GRIA3: variants seen among roughly 807,000 people sequenced by gnomAD.
The protein encoded by GRIA3 is glutamate receptor 3.
Under a neutral mutation model 63.0 loss-of-function variants are expected in GRIA3, and 3 were observed. The ratio of observed to expected loss-of-function variants is 0.05; its 90% CI spans 0.02 to 0.12. GRIA3 has a LOEUF of 0.12. Ranked by LOEUF, GRIA3 falls within the 10% of genes least tolerant of loss-of-function variation. The pLI, the probability that GRIA3 is intolerant of heterozygous loss-of-function variation, is 1.00. For synonymous variants in GRIA3, 274 were observed against 257.9 expected (o/e 1.06, Z -0.60); for missense variants, 347 against 700.9 (o/e 0.50, Z 5.70).
At chrX:123,327,288 T>A (rs755808848) in intron 4 of GRIA3, among the ~76,000 whole-genome samples, 1 of 112,069 alleles carries the variant, frequency 8.9e-6, no homozygotes, top group Non-Finnish European at 1.9e-5. Context: ...AGAAGAAATG[T>A]TTCACCCTAA....
chrX:123,427,414 T>C (rs748677637), intron 11 of GRIA3, among the ~76,000 whole-genome samples: 2 of 111,678 alleles, frequency 1.8e-5, no homozygotes, highest in African/African-American at 6.5e-5. Flanking sequence ...CCTAGGTGAT[T>C]TTAATGTGGA....
chrX:123,260,220 A>G (rs1438541748), intron 3 of GRIA3, among the ~76,000 whole-genome samples: 1 of 104,896 alleles, frequency 9.5e-6, no homozygotes, highest in Non-Finnish European at 1.9e-5. Flanking sequence ...GACTTTCCTG[A>G]ACACAGAAAG....
intron 2 of GRIA3, among the ~76,000 whole-genome samples, chrX:123,219,141 G>C (rs1569401480): frequency 9.0e-6 from 1 of 111,418 alleles, no homozygotes; most frequent in African/African-American, 3.3e-5. Context: ...GAAGCAACCA[G>C]CTAACAAAAA....
At chrX:123,454,219 G>A (rs1342580102) in intron 12 of GRIA3, among the ~76,000 whole-genome samples, 1 of 110,876 alleles carries the variant, frequency 9.0e-6, no homozygotes, top group Non-Finnish European at 1.9e-5. Context: ...TGTACTGTTT[G>A]AGAGCAGACT....
At chrX:123,473,501 G>C (rs1404123139) in intron 13 of GRIA3, among the ~76,000 whole-genome samples, 1 of 111,877 alleles carries the variant, frequency 8.9e-6, no homozygotes, top group Non-Finnish European at 1.9e-5. Flanking sequence ...GTTATGTCCT[G>C]GGTGATGCTG....
intron 3 of GRIA3, among the ~76,000 whole-genome samples, chrX:123,261,136 C>T (rs1386828890): frequency 9.0e-6 from 1 of 111,282 alleles, no homozygotes; most frequent in Admixed American, 9.5e-5. Context: ...CTTAGTAGCT[C>T]GTTCCTGGGG....
chrX:123,390,921 G>A (rs2045383275), intron 5 of GRIA3, among the ~76,000 whole-genome samples: 1 of 110,318 alleles, frequency 9.1e-6, no homozygotes, highest in Admixed American at 9.7e-5. Context: ...GTCTAGTGTT[G>A]AATCTTTCAA....
intron 13 of GRIA3, among the ~76,000 whole-genome samples, chrX:123,472,772 C>T (rs1057190128): frequency 8.9e-6 from 1 of 112,442 alleles, no homozygotes; most frequent in African/African-American, 3.2e-5. Context: ...GTAAGAGTTG[C>T]TTCTGGGGCT....
At chrX:123,434,227 C>T (rs1024354293) in intron 12 of GRIA3, among the ~76,000 whole-genome samples, 3 of 112,087 alleles carry the variant, frequency 2.7e-5, no homozygotes, top group African/African-American at 6.5e-5. Flanking sequence ...ACCTCCCTGA[C>T]ACCTTAATCC....
chrX:123,290,025 T>A (rs1158335321), intron 3 of GRIA3, among the ~76,000 whole-genome samples: 1 of 111,385 alleles, frequency 9.0e-6, no homozygotes. Flanking sequence ...TTCTGTGAAA[T>A]GCCATAGTTT....
intron 3 of GRIA3, among the ~76,000 whole-genome samples, chrX:123,324,970 G>T (rs1006708989): frequency 1.8e-5 from 2 of 112,048 alleles, no homozygotes; most frequent in Non-Finnish European, 3.8e-5. Context: ...AATTGCTATG[G>T]CATGGATCAT....
chrX:123,414,319 A>C (rs964564682), intron 10 of GRIA3, among the ~76,000 whole-genome samples: 7 of 112,525 alleles, frequency 6.2e-5, no homozygotes, highest in African/African-American at 2.3e-4. Context: ...TATAGCAAGC[A>C]TTACAACAAA....
At position 123,206,785 on chromosome X, in the gene GRIA3, A is replaced by T. The variant is rs182302001; in HGVS notation, c.268+20795A>T. Among the ~76,000 whole-genome samples the T allele has an allele frequency of 2.6e-4, 29 of 112,036 alleles. No individual in the cohort carries two copies. The East Asian group carries it at 7.6e-3, about 29-fold the overall frequency. ...GTGGAACATAATTTTGAGAGATATT[A>T]TATGTGATGTCTAATTATAAACATA... On this transcript the variant is annotated intron_variant, in intron 2 of 15. Transcript: ENST00000620443.
At chrX:123,463,678 AAGAAAGAG>A (rs1429398984) in intron 12 of GRIA3, among the ~76,000 whole-genome samples, 1 of 54,792 alleles carries the variant, frequency 1.8e-5, no homozygotes, top group African/African-American at 9.5e-5. Context: ...GAAAGAAAGA[AAGAAAGAG>A]AGAGAAAGAA....
rs145783221 is a variant in GRIA3, at chrX:123,400,375, C to T, written c.1080+1572C>T. On this transcript the variant is annotated intron_variant, in intron 7 of 15. Coordinates refer to ENST00000620443, the MANE Select transcript of GRIA3 (RefSeq NM_007325.5). The stretch of plus-strand genomic sequence containing the variant: ...ACATTACCTTTCTATAGGACAATCT[C>T]TATTGCTCCAGAGAGGCTGGAAGGC... Among the ~76,000 whole-genome samples, 880 of 111,714 alleles carry T rather than the reference C, an allele frequency of 7.9e-3. 9 individuals carry two copies. Among genetic ancestry groups the T allele is most frequent in the Non-Finnish European group, 0.012 (617 of 53,024 alleles).
Position 123,291,153 on chromosome X carries a change from C to G in GRIA3, c.509-34873C>G, listed in dbSNP as rs1394577511. Among the ~76,000 whole-genome samples, 17 of 111,410 alleles carry G rather than the reference C, an allele frequency of 1.5e-4. No individual in the cohort carries two copies. In the Admixed American group the frequency reaches 1.6e-3, roughly 11 times the overall value. ...AGATCAGGAAAGACCTGAAACTGGG[C>G]ACACTGGCATAGCAGGCTGACCTGG... On this transcript the variant is annotated intron_variant, in intron 3 of 15. Coordinates refer to ENST00000620443, the MANE Select transcript of GRIA3 (RefSeq NM_007325.5).
At chrX:123,227,246 C>T in intron 2 of GRIA3, among the ~76,000 whole-genome samples, 1 of 105,424 alleles carries the variant, frequency 9.5e-6, no homozygotes, top group South Asian at 3.7e-4. Flanking sequence ...ATGCATGGTA[C>T]CTTTTTTTCT....
intron 5 of GRIA3, among the ~76,000 whole-genome samples, chrX:123,382,410 G>T (rs1013258182): frequency 8.9e-5 from 10 of 111,996 alleles, no homozygotes; most frequent in Non-Finnish European, 1.7e-4. Context: ...ATGCCAATTT[G>T]CAGTGTGCCA....
intron 7 of GRIA3, among the ~76,000 whole-genome samples, chrX:123,400,982 T>C (rs1569430704): frequency 8.9e-6 from 1 of 111,914 alleles, no homozygotes; most frequent in East Asian, 2.8e-4. Context: ...AGGCACAACA[T>C]TAGTTGCTGA....
Sources: allele counts gnomAD v4.1 joint callset (sites outside exome capture counted in the v4.1 genomes callset), GRCh38; gene constraint gnomAD v4.1.1; transcripts MANE v1.5; gene names NCBI Gene and HGNC (gene_info 2026-07-23, HGNC 2026-07-21).